Variants in DCTD observed in about 807,000 individuals in gnomAD.
DCTD encodes the protein dCMP deaminase, also known as deoxycytidylate deaminase.
A neutral mutation model predicts 21.0 loss-of-function variants in DCTD; 23 were observed. That is an observed-to-expected ratio of 1.09 (90% CI 0.79 to 1.55). DCTD has a LOEUF of 1.55. DCTD is among the 40% of genes most tolerant of loss of function. The pLI is 0.00. For missense variants in DCTD, 224 were observed against 230.0 expected (o/e 0.97, Z 0.17); for synonymous variants, 71 against 81.1 (o/e 0.88, Z 0.67).
intron 3 of DCTD, among the ~76,000 whole-genome samples, chr4:182,908,036 T>TAA (rs35563105): frequency 3.5e-5 from 5 of 143,436 alleles, no homozygotes; most frequent in African/African-American, 7.7e-5. Flanking sequence ...CTATCCAGAT[T>TAA]AAAAAAAAAA....
intron 3 of DCTD, among the ~76,000 whole-genome samples, chr4:182,905,256 G>C (rs1380518526): frequency 1.3e-5 from 2 of 151,270 alleles, no homozygotes; most frequent in Non-Finnish European, 2.9e-5. Context: ...CCTCCACGTT[G>C]CTGAACCCCA....
At chr4:182,895,825 A>G (rs1734633952) in intron 3 of DCTD, among the ~76,000 whole-genome samples, 1 of 152,236 alleles carries the variant, frequency 6.6e-6, no homozygotes, top group African/African-American at 2.4e-5. Context: ...CTGTGCCTGC[A>G]GAGTGTGATG....
chr4:182,905,838 G>A (rs1736614954), intron 3 of DCTD, among the ~76,000 whole-genome samples: 2 of 152,280 alleles, frequency 1.3e-5, no homozygotes, highest in South Asian at 4.1e-4. Flanking sequence ...AGCGCTCATG[G>A]GCACCTCAGC....
At position 182,891,371 on chromosome 4, in the gene DCTD, A is replaced by G. The variant is rs769622967; in HGVS notation, c.*28T>C. 2 of 1,515,948 alleles carry G rather than the reference A, an allele frequency of 1.3e-6. No individual in the cohort carries two copies. Among genetic ancestry groups the G allele is most frequent in the African/African-American group, 2.7e-5 (2 of 73,176 alleles). The allele number at this position is 1,515,948 out of a possible 1,614,324, so 93.9% of individuals were successfully genotyped here. ...AACCTCTTAGAAGACGATAATCCCA[A>G]TCTTCTGGAGATTGAATGAGATGTA... On this transcript the variant is annotated 3_prime_UTR_variant, in exon 6 of 6. Coordinates refer to ENST00000438320, the MANE Select transcript of DCTD (RefSeq NM_001921.3).
chr4:182,894,070 T>C (rs574986950), intron 4 of DCTD, among the ~76,000 whole-genome samples: 35 of 152,344 alleles, frequency 2.3e-4, no homozygotes, highest in Non-Finnish European at 4.1e-4. Context: ...CCAAGGTATG[T>C]TGAGATCCTC....
rs1401189169 is a variant in DCTD at position 182,891,398 on chromosome 4, C to T, written c.*1G>A. The T allele has an allele frequency of 2.5e-6, 4 of 1,597,928 alleles. No homozygotes were observed. The highest frequency in any genetic ancestry group is 1.7e-5 in the Admixed American group (1 of 59,980). On this transcript the variant is annotated 3_prime_UTR_variant, in exon 6 of 6. Coordinates refer to ENST00000438320, the MANE Select transcript of DCTD (RefSeq NM_001921.3). ...CTTCTGGAGATTGAATGAGATGTAA[C>T]TCACTGAAGCTTTTGACTCGGTCTG...
intron 3 of DCTD, among the ~76,000 whole-genome samples, chr4:182,895,916 C>T (rs966232025): frequency 2.4e-4 from 36 of 152,226 alleles, no homozygotes; most frequent in African/African-American, 8.7e-4. Context: ...GGAAGCACTG[C>T]CTTCTGGCTC....
intron 3 of DCTD, chr4:182,911,077 A>G (rs1212603916): frequency 6.6e-6 from 1 of 152,222 alleles, no homozygotes; most frequent in Admixed American, 6.5e-5. Flanking sequence ...CTGAGAAACA[A>G]TGGACATTTA....
chr4:182,893,766 C>T (rs545780272), intron 4 of DCTD, among the ~76,000 whole-genome samples: 82 of 152,360 alleles, frequency 5.4e-4, no homozygotes, highest in African/African-American at 1.8e-3. Flanking sequence ...TTCCCAGGAA[C>T]GGTGACGGCG....
At chr4:182,906,460 C>A (rs933175853) in intron 3 of DCTD, among the ~76,000 whole-genome samples, 1 of 152,148 alleles carries the variant, frequency 6.6e-6, no homozygotes, top group African/African-American at 2.4e-5. Flanking sequence ...ATAATAAATG[C>A]CCTAGAAGTG....
intron 1 of DCTD, chr4:182,915,851 T>G: frequency 8.5e-7 from 1 of 1,177,066 alleles, no homozygotes; most frequent in Non-Finnish European, 1.1e-6. Flanking sequence ...GGATTTTTTA[T>G]GCCAGCCTAC....
intron 1 of DCTD, chr4:182,916,864 A>G (rs956323678): frequency 4.9e-6 from 5 of 1,027,872 alleles, no homozygotes; most frequent in East Asian, 1.1e-4. Context: ...CCAGCTGTAG[A>G]AACAGAGAGA....
In DCTD at chr4:182,917,340, G is replaced by T; in HGVS notation, c.-37C>A. ...CGGTGCCGGCTCCGCGCGCAGGCCG[G>T]TGCTCGTCCCCGCCGCCGCCGTGCT... On this transcript the variant is annotated 5_prime_UTR_variant, in exon 1 of 6. Coordinates refer to ENST00000438320, the MANE Select transcript of DCTD (RefSeq NM_001921.3). This position sits in a 1 kb window ranked among gnomAD's most constrained non-coding sequence, Gnocchi z 4.9. 9.1e-7 allele frequency: 1 copy of T among 1,095,430 alleles called. No homozygotes were observed. The highest frequency in any genetic ancestry group is 1.1e-6 in the Non-Finnish European group (1 of 901,660). The allele number at this position is 1,095,430 out of a possible 1,614,324, so 67.9% of individuals were successfully genotyped here.
intron 1 of DCTD, chr4:182,916,934 C>T: frequency 1.0e-6 from 1 of 999,964 alleles, no homozygotes; most frequent in Non-Finnish European, 1.2e-6. Context: ...CAGGCACACC[C>T]CACGCCGCTC....
At position 182,893,019 on chromosome 4, in the gene DCTD, C is replaced by A; in HGVS notation, c.458+12G>T. ...CCTACCCCGTCCCCCCGCCCGCATT[C>A]TCCCCACTTACCGGAATGTCACCCC... On this transcript the variant is annotated intron_variant, in intron 5 of 5. Coordinates refer to ENST00000438320, the MANE Select transcript of DCTD (RefSeq NM_001921.3). 3 of 1,564,866 alleles carry A rather than the reference C, an allele frequency of 1.9e-6. No individual in the cohort carries two copies. Among genetic ancestry groups the A allele is most frequent in the Non-Finnish European group, 2.6e-6 (3 of 1,136,376 alleles).
intron 3 of DCTD, among the ~76,000 whole-genome samples, chr4:182,905,774 T>C (rs58315494): frequency 0.061 from 9,247 of 152,244 alleles, 333 homozygotes; most frequent in South Asian, 0.1. Context: ...CTACAGCCAG[T>C]CGGGACTAAT....
At chr4:182,901,100 C>T (rs769421308) in intron 3 of DCTD, among the ~76,000 whole-genome samples, 1 of 152,172 alleles carries the variant, frequency 6.6e-6, no homozygotes, top group Non-Finnish European at 1.5e-5. Flanking sequence ...ACTTTCACCT[C>T]ATCTGATATA....
chr4:182,892,591 T>A (rs1237072247), intron 5 of DCTD, among the ~76,000 whole-genome samples: 1 of 151,554 alleles, frequency 6.6e-6, no homozygotes, highest in Admixed American at 6.6e-5. Context: ...ATCGCACCAC[T>A]GCACTCTAGC....
intron 3 of DCTD, among the ~76,000 whole-genome samples, chr4:182,895,693 G>A (rs61693183): frequency 0.019 from 2,945 of 152,248 alleles, 93 homozygotes; most frequent in African/African-American, 0.066. Flanking sequence ...GTCTTGTATC[G>A]TTACTGAATT....
Sources: gnomAD v4.1 joint callset for allele counts (sites outside exome capture counted in the v4.1 genomes callset) on GRCh38, gnomAD v4.1.1 for gene constraint, Gnocchi (gnomAD v3.1) non-coding constraint, MANE v1.5 for transcripts, NCBI Gene and HGNC (gene_info 2026-07-23, HGNC 2026-07-21) for gene names.